Variants in NTNG1 observed in about 807,000 individuals in gnomAD.
NTNG1 encodes netrin G1.
Under a neutral mutation model 54.0 loss-of-function variants are expected in NTNG1, and 16 were observed. The ratio of observed to expected loss-of-function variants is 0.30; its 90% CI spans 0.20 to 0.45. NTNG1 has a LOEUF of 0.45. Ranked by LOEUF, NTNG1 falls within the 20% of genes least tolerant of loss-of-function variation. The pLI, the probability that NTNG1 is intolerant of heterozygous loss-of-function variation, is 1.00. For missense variants in NTNG1, 530 were observed against 678.7 expected (o/e 0.78, Z 2.43); for synonymous variants, 255 against 263.1 (o/e 0.97, Z 0.30).
At chr1:107,340,971 A>T (rs1052911253) in intron 3 of NTNG1, among the ~76,000 whole-genome samples, 5 of 152,008 alleles carry the variant, frequency 3.3e-5, no homozygotes, top group African/African-American at 1.2e-4. Context: ...AGGCTCACGA[A>T]ATGGTAGCTA....
At chr1:107,292,662 C>T (rs1665689248) in intron 2 of NTNG1, among the ~76,000 whole-genome samples, 1 of 152,044 alleles carries the variant, frequency 6.6e-6, no homozygotes, top group African/African-American at 2.4e-5. Flanking sequence ...TGGTATATGA[C>T]CTCCTAGGGT....
intron 7 of NTNG1, chr1:107,455,602 G>C (rs1027243599): frequency 6.1e-6 from 3 of 495,532 alleles, no homozygotes; most frequent in African/African-American, 5.8e-5. Context: ...CAACCACAAA[G>C]TGACTCTACT....
At chr1:107,322,890 A>C (rs961131729) in intron 2 of NTNG1, among the ~76,000 whole-genome samples, 2 of 152,034 alleles carry the variant, frequency 1.3e-5, no homozygotes, top group African/African-American at 4.8e-5. Context: ...CAACTTTAGG[A>C]TTCGGTTACA....
At chr1:107,318,775 A>ACTGTTG (rs1354569498) in intron 2 of NTNG1, among the ~76,000 whole-genome samples, 1 of 152,114 alleles carries the variant, frequency 6.6e-6, no homozygotes, top group Non-Finnish European at 1.5e-5. Context: ...ACTGCTCTGT[A>ACTGTTG]CTGTTGCTGT....
chr1:107,376,017 T>C (rs1671209094), intron 3 of NTNG1, among the ~76,000 whole-genome samples: 1 of 152,226 alleles, frequency 6.6e-6, no homozygotes, highest in South Asian at 2.1e-4. Flanking sequence ...AAAACAATAA[T>C]AGTAATGATA....
intron 2 of NTNG1, among the ~76,000 whole-genome samples, chr1:107,235,513 CT>C (rs1661347139): frequency 6.6e-6 from 1 of 152,156 alleles, no homozygotes; most frequent in African/African-American, 2.4e-5. Flanking sequence ...ACCTCAGCCT[CT>C]GGTCCCCACA....
chr1:107,404,746 A>G (rs553408184), intron 4 of NTNG1, among the ~76,000 whole-genome samples: 20 of 152,282 alleles, frequency 1.3e-4, no homozygotes, highest in South Asian at 1.0e-3. Context: ...AGGCCTGTAC[A>G]AAATGCTATG....
chr1:107,326,531 G>A (rs1337310524), intron 3 of NTNG1, among the ~76,000 whole-genome samples: 1 of 152,070 alleles, frequency 6.6e-6, no homozygotes, highest in African/African-American at 2.4e-5. Context: ...AGTTGATATT[G>A]TTATTATTAA....
At chr1:107,262,315 A>C (rs1159099132) in intron 2 of NTNG1, among the ~76,000 whole-genome samples, 1 of 152,180 alleles carries the variant, frequency 6.6e-6, no homozygotes, top group Non-Finnish European at 1.5e-5. Flanking sequence ...GCCAGAATGG[A>C]GTCTTTTGTG....
At chr1:107,408,065 A>G in intron 5 of NTNG1, 1 of 371,776 alleles carries the variant, frequency 2.7e-6, no homozygotes, top group South Asian at 2.3e-5. Context: ...ACTCTCTCTT[A>G]GACTGGATTT....
At chr1:107,276,276 G>A (rs1409053587) in intron 2 of NTNG1, among the ~76,000 whole-genome samples, 1 of 152,096 alleles carries the variant, frequency 6.6e-6, no homozygotes, top group African/African-American at 2.4e-5. Flanking sequence ...CTAGACTTCA[G>A]TATTAGCAGT....
chr1:107,252,979 T>C (rs922490721), intron 2 of NTNG1, among the ~76,000 whole-genome samples: 3 of 152,176 alleles, frequency 2.0e-5, no homozygotes, highest in East Asian at 3.9e-4. Flanking sequence ...GTAAGATATA[T>C]CTTAGTGTAT....
chr1:107,351,232 A>G (rs952545424), intron 3 of NTNG1, among the ~76,000 whole-genome samples: 1 of 152,190 alleles, frequency 6.6e-6, no homozygotes, highest in Non-Finnish European at 1.5e-5. Context: ...CACTCACAAT[A>G]AAGTCCATGA....
chr1:107,350,291 A>T (rs1451720472), intron 3 of NTNG1, among the ~76,000 whole-genome samples: 1 of 152,152 alleles, frequency 6.6e-6, no homozygotes, highest in African/African-American at 2.4e-5. Flanking sequence ...CTAATTCTTC[A>T]TCAGTTTTAT....
At chr1:107,451,184 T>C (rs776915328) in intron 7 of NTNG1, among the ~76,000 whole-genome samples, 1 of 151,734 alleles carries the variant, frequency 6.6e-6, no homozygotes, top group Non-Finnish European at 1.5e-5. Flanking sequence ...GTTCATGCTA[T>C]GTGCTATTTT....
intron 5 of NTNG1, among the ~76,000 whole-genome samples, chr1:107,414,664 T>C (rs1305539471): frequency 1.3e-5 from 2 of 152,242 alleles, no homozygotes; most frequent in East Asian, 3.9e-4. Flanking sequence ...CAGTAACTGT[T>C]TATAGTACAG....
intron 2 of NTNG1, among the ~76,000 whole-genome samples, chr1:107,313,980 A>G (rs1667179223): frequency 6.6e-6 from 1 of 152,220 alleles, no homozygotes. Flanking sequence ...CTTATCATAA[A>G]TAAGTGATCT....
At chr1:107,246,793 A>G (rs1662233097) in intron 2 of NTNG1, among the ~76,000 whole-genome samples, 1 of 152,220 alleles carries the variant, frequency 6.6e-6, no homozygotes, top group Admixed American at 6.5e-5. Flanking sequence ...ATAAAATCCA[A>G]GATCCTGTTT....
chr1:107,460,472 T>C, intron 7 of NTNG1: 1 of 513,382 alleles, frequency 1.9e-6, no homozygotes, highest in Non-Finnish European at 3.9e-6. Flanking sequence ...AATAGTTTTC[T>C]ATTTAGGAAA....
Sources: allele counts gnomAD v4.1 joint callset (sites outside exome capture counted in the v4.1 genomes callset), GRCh38; gene constraint gnomAD v4.1.1; transcripts MANE v1.5; gene names NCBI Gene and HGNC (gene_info 2026-07-23, HGNC 2026-07-21).